The following ABI2 variants were observed in gnomAD, a reference collection of about 807,000 sequenced individuals.
ABI2 encodes abelson interactor 2.
In ABI2, 25 loss-of-function variants were observed where a neutral mutation model predicts 59.2. The ratio of observed to expected loss-of-function variants is 0.42; its 90% CI spans 0.31 to 0.59. ABI2 has a LOEUF of 0.59. Among genes scored for constraint, ABI2 ranks in the 20% least tolerant of loss-of-function variants. ABI2 has a pLI of 0.14. For synonymous variants in ABI2, 213 were observed against 235.5 expected, an observed-to-expected ratio of 0.90 and a Z score of 0.87; for missense variants, 545 against 681.8, an observed-to-expected ratio of 0.80 and a Z score of 2.23.
rs139417786 is a variant in ABI2, at chr2:203,404,442, A to G, written c.1192+1708A>G. ...TGCCATTCTTTTTAAATCATTCTGA[A>G]CTTAAATTTTGACAAAACTGCCCTT... On this transcript the variant is annotated intron_variant, in intron 9 of 11. Transcript: ENST00000261018. 9.6e-3 allele frequency among the ~76,000 whole-genome samples: 1,459 copies of G among 152,322 alleles called. 11 individuals are homozygous for G. The highest frequency in any genetic ancestry group is 0.017 in the Non-Finnish European group (1,132 of 68,024).
intron 6 of ABI2, chr2:203,395,155 T>TG: frequency 2.9e-6 from 2 of 700,662 alleles, no homozygotes; most frequent in Non-Finnish European, 5.2e-6. Flanking sequence ...ACTTTACAGA[T>TG]GAAAAACTAT....
intron 2 of ABI2, 37 bp downstream of exon 2, chr2:203,367,081 A>T: frequency 6.3e-7 from 1 of 1,575,832 alleles, no homozygotes; most frequent in Non-Finnish European, 8.6e-7. Flanking sequence ...CCTATGAGGA[A>T]CCCTTAATAA....
intron 11 of ABI2, among the ~76,000 whole-genome samples, chr2:203,419,544 ATTT>A (rs78060075): frequency 8.1e-6 from 1 of 123,858 alleles, no homozygotes; most frequent in Non-Finnish European, 1.7e-5. Flanking sequence ...AATTTTTTGT[ATTT>A]TTTTTTTTTT....
Position 203,330,139 on chromosome 2 carries a change from C to A in ABI2, c.117+1508C>A, listed in dbSNP as rs937388955. ...ATTTTGTAATGGCCACATTGTTGAT[C>A]GCGGAAGTGAGATTTTGTTTGATTA... On this transcript the variant is annotated intron_variant, in intron 1 of 11. Coordinates refer to ENST00000261018, the MANE Select transcript of ABI2 (RefSeq NM_001375670.1). Among the ~76,000 whole-genome samples the A allele has an allele frequency of 2.0e-5, 3 of 152,002 alleles. No individual in the cohort carries two copies. In the South Asian group the frequency reaches 6.2e-4, roughly 31 times the overall value.
intron 1 of ABI2, among the ~76,000 whole-genome samples, chr2:203,332,902 T>C (rs895311898): frequency 6.6e-6 from 1 of 152,214 alleles, no homozygotes; most frequent in East Asian, 1.9e-4. Flanking sequence ...TAAAATCTTA[T>C]TGTTTGGATT....
chr2:203,392,329 AC>A (rs2096790321), intron 5 of ABI2, among the ~76,000 whole-genome samples: 3 of 123,620 alleles, frequency 2.4e-5, no homozygotes, highest in South Asian at 3.0e-4. Flanking sequence ...AACAACAACA[AC>A]AACAACAACA....
At chr2:203,361,763 G>C (rs1022256841) in intron 1 of ABI2, among the ~76,000 whole-genome samples, 2 of 152,146 alleles carry the variant, frequency 1.3e-5, no homozygotes, top group African/African-American at 4.8e-5. Context: ...CATTAACATA[G>C]ACATTCTCCA....
At chr2:203,368,462 G>T (rs923236565) in intron 2 of ABI2, among the ~76,000 whole-genome samples, 13 of 151,924 alleles carry the variant, frequency 8.6e-5, no homozygotes, top group African/African-American at 2.9e-4. Context: ...GAGAGTTCAG[G>T]GCTCTTTTCA....
At chr2:203,380,475 C>A in intron 3 of ABI2, 91 bp downstream of exon 3, 4 of 806,560 alleles carry the variant, frequency 5.0e-6, no homozygotes, top group South Asian at 5.9e-5. Context: ...GTCTTTCTTT[C>A]CTAGAGGACA....
At position 203,431,194 on chromosome 2, in the gene ABI2, T is replaced by G. The variant is rs369688227; in HGVS notation, c.*3842T>G. 6.6e-6 allele frequency: 1 copy of G among 152,582 alleles called. No homozygotes were observed. The highest frequency in any genetic ancestry group is 6.5e-5 in the Admixed American group (1 of 15,282). 9.5% of individuals were successfully genotyped at this position (152,582 alleles called of 1,614,324 possible). A position where few individuals can be genotyped will look rare whatever the true frequency, so the allele number is the denominator to read the frequency against. The stretch of plus-strand genomic sequence containing the variant: ...ATCACTGAGTTTGAGCTAGATGAAA[T>G]TTTTAAAATTTCTGGTTGTCTCATT... On this transcript the variant is annotated 3_prime_UTR_variant, in exon 12 of 12. Transcript: ENST00000261018.
intron 1 of ABI2, chr2:203,351,662 G>T: frequency 2.5e-6 from 1 of 396,492 alleles, no homozygotes; most frequent in South Asian, 1.8e-5. Context: ...CAGTCTCTCA[G>T]TAGTCTGGGA....
chr2:203,431,192 A>G lies in ABI2; in HGVS notation c.*3840A>G, dbSNP rs1189737738. On this transcript the variant is annotated 3_prime_UTR_variant, in exon 12 of 12. Coordinates refer to ENST00000261018, the MANE Select transcript of ABI2 (RefSeq NM_001375670.1). ...GAATCACTGAGTTTGAGCTAGATGA[A>G]ATTTTTAAAATTTCTGGTTGTCTCA... 1 of 152,534 alleles carries G rather than the reference A, an allele frequency of 6.6e-6. No individual in the cohort carries two copies. The highest frequency in any genetic ancestry group is 1.5e-5 in the Non-Finnish European group (1 of 68,036). The allele number at this position is 152,534 out of a possible 1,614,324, so 9.4% of individuals were successfully genotyped here.
chr2:203,420,713 A>G (rs2098162675), intron 11 of ABI2, among the ~76,000 whole-genome samples: 1 of 152,134 alleles, frequency 6.6e-6, no homozygotes, highest in Admixed American at 6.5e-5. Context: ...TATCTGGTTC[A>G]TCTTCGTACC....
intron 4 of ABI2, chr2:203,386,429 T>TA (rs2096516197): frequency 3.5e-5 from 5 of 141,102 alleles, no homozygotes; most frequent in Non-Finnish European, 6.9e-5. Context: ...CACTCCTGGC[T>TA]GTTTTTTTTT....
At chr2:203,355,087 C>A in intron 1 of ABI2, 1 of 286,954 alleles carries the variant, frequency 3.5e-6, no homozygotes, top group Admixed American at 3.2e-5. Flanking sequence ...CCTTTGCTGT[C>A]AACCTTGGAT....
intron 1 of ABI2, among the ~76,000 whole-genome samples, chr2:203,337,450 T>C (rs1239516881): frequency 6.6e-6 from 1 of 152,176 alleles, no homozygotes; most frequent in African/African-American, 2.4e-5. Context: ...GAAAGGTCTG[T>C]ACACTAAAAA....
At chr2:203,416,307 G>A (rs1375259082) in intron 10 of ABI2, among the ~76,000 whole-genome samples, 1 of 151,254 alleles carries the variant, frequency 6.6e-6, no homozygotes, top group South Asian at 2.1e-4. Context: ...TTTTTTTGCT[G>A]TTGTTGTTTT....
At chr2:203,357,343 A>G (rs1231081012) in intron 1 of ABI2, among the ~76,000 whole-genome samples, 2 of 152,224 alleles carry the variant, frequency 1.3e-5, no homozygotes, top group African/African-American at 4.8e-5. Context: ...AATAACTCAG[A>G]TGCCCTTATC....
At chr2:203,346,398 G>C (rs766452506) in intron 1 of ABI2, among the ~76,000 whole-genome samples, 9 of 152,124 alleles carry the variant, frequency 5.9e-5, no homozygotes, top group Admixed American at 1.3e-4. Context: ...GAATATATGG[G>C]ACTAATAGGC....
Sources: gnomAD v4.1 joint callset for allele counts (sites outside exome capture counted in the v4.1 genomes callset) on GRCh38, gnomAD v4.1.1 for gene constraint, MANE v1.5 for transcripts, NCBI Gene and HGNC (gene_info 2026-07-23, HGNC 2026-07-21) for gene names.